Variants in SLC36A1 observed in about 807,000 individuals in gnomAD.
The protein encoded by SLC36A1 is solute carrier family 36 member 1.
Under a neutral mutation model 47.5 loss-of-function variants are expected in SLC36A1, and 30 were observed. The observed-to-expected ratio is 0.63, with a 90% CI of 0.47 to 0.86. The LOEUF (loss-of-function observed/expected upper bound fraction) is 0.86, where lower values mean the gene tolerates loss of function less well. Among genes scored for constraint, SLC36A1 ranks in the 40% least tolerant of loss-of-function variants. The pLI is 0.00. For synonymous variants in SLC36A1, 255 were observed against 249.7 expected, an observed-to-expected ratio of 1.02 and a Z score of -0.20; for missense variants, 517 against 606.0, an observed-to-expected ratio of 0.85 and a Z score of 1.54.
chr5:151,362,776 G>GT, the SLC36A1 span, among the ~76,000 whole-genome samples: 3 of 152,094 alleles, frequency 2.0e-5, no homozygotes, highest in Non-Finnish European at 4.4e-5. Flanking sequence ...ATTTGTTGTT[G>GT]TTTTTTTCTA....
intron 1 of SLC36A1, among the ~76,000 whole-genome samples, chr5:151,456,793 G>T (rs575346830): frequency 6.6e-6 from 1 of 152,142 alleles, no homozygotes; most frequent in South Asian, 2.1e-4. Context: ...GAGAAAATGC[G>T]ATCTCCCGTG....
At chr5:151,438,631 A>C (rs1759918889) in intron 1 of SLC36A1, among the ~76,000 whole-genome samples, 1 of 151,960 alleles carries the variant, frequency 6.6e-6, no homozygotes, top group South Asian at 2.1e-4. Flanking sequence ...GTGCTCTGAC[A>C]CTCCTGTCAT....
the SLC36A1 span, chr5:151,380,381 T>G: frequency 8.3e-6 from 3 of 360,204 alleles, no homozygotes; most frequent in Admixed American, 7.1e-5. Context: ...AGGACCAGAG[T>G]GAGCAGGAAA....
chr5:151,395,943 G>A, the SLC36A1 span, among the ~76,000 whole-genome samples: 6 of 151,892 alleles, frequency 4.0e-5, no homozygotes, highest in Non-Finnish European at 7.4e-5. Flanking sequence ...CTTAGTAGCT[G>A]GGATTACAGG....
chr5:151,474,159 C>CAAAA (rs1156305401), intron 8 of SLC36A1, among the ~76,000 whole-genome samples: 10,760 of 59,646 alleles, frequency 0.18, 1,205 homozygotes, highest in Non-Finnish European at 0.24. Flanking sequence ...GACTCTGTCT[C>CAAAA]AAAAAAAAAA....
At chr5:151,427,107 C>T in the SLC36A1 span, among the ~76,000 whole-genome samples, 4 of 152,162 alleles carry the variant, frequency 2.6e-5, no homozygotes, top group Non-Finnish European at 5.9e-5. Flanking sequence ...TACATAGACA[C>T]AGTAACAGTC....
the SLC36A1 span, among the ~76,000 whole-genome samples, chr5:151,354,552 C>T: frequency 3.3e-5 from 5 of 152,278 alleles, no homozygotes; most frequent in East Asian, 9.7e-4. Context: ...CAGAGTCCAA[C>T]CTCCTCATTT....
chr5:151,510,308 A>G, the SLC36A1 span: 4 of 1,040,116 alleles, frequency 3.8e-6, no homozygotes, highest in Non-Finnish European at 4.2e-6. Context: ...TCTGTGCCCA[A>G]TACCGTGCTG....
At chr5:151,525,608 G>C in the SLC36A1 span, among the ~76,000 whole-genome samples, 4 of 152,198 alleles carry the variant, frequency 2.6e-5, no homozygotes, top group Non-Finnish European at 5.9e-5. Flanking sequence ...CCTGCCCTGA[G>C]TGTTATGAGG....
the SLC36A1 span, among the ~76,000 whole-genome samples, chr5:151,353,857 C>A: frequency 6.6e-6 from 1 of 152,184 alleles, no homozygotes; most frequent in Non-Finnish European, 1.5e-5. Flanking sequence ...TAGTAATATG[C>A]ATTTAAGTTT....
the SLC36A1 span, chr5:151,347,503 G>C: frequency 6.2e-7 from 1 of 1,609,106 alleles, no homozygotes; most frequent in Admixed American, 1.7e-5. Flanking sequence ...AAAGAGGTCT[G>C]CTCTGGAAGG....
chr5:151,527,080 A>G, the SLC36A1 span, among the ~76,000 whole-genome samples: 2 of 152,196 alleles, frequency 1.3e-5, no homozygotes, highest in Non-Finnish European at 2.9e-5. Context: ...CTTCAATTCT[A>G]TAATGCCCTC....
chr5:151,479,310 GT>G lies in SLC36A1; in HGVS notation c.990-7del. ...AGCAGGCTTGGAATGTCTCCTGTCT[GT>G]TTCGGCAGGTTGTACCAGTCAGTTA... On this transcript the variant is annotated splice_polypyrimidine_tract_variant and intron_variant, in intron 9 of 10. Transcript: ENST00000243389. 6.2e-7 allele frequency: 1 copy of G among 1,613,276 alleles called. No homozygotes were observed. The highest frequency in any genetic ancestry group is 1.7e-4 in the Middle Eastern group (1 of 6,058).
the SLC36A1 span, chr5:151,510,013 G>A: frequency 6.2e-7 from 1 of 1,613,714 alleles, no homozygotes; most frequent in African/African-American, 1.3e-5. Context: ...GGCCTCTCCT[G>A]GGATTACCTG....
the SLC36A1 span, chr5:151,380,761 G>T: frequency 3.4e-4 from 184 of 538,550 alleles, 1 homozygote; most frequent in South Asian, 2.5e-3. Context: ...CTTGCAGACA[G>T]ATGGTGGACA....
At chr5:151,541,999 AG>A in the SLC36A1 span, among the ~76,000 whole-genome samples, 1 of 152,270 alleles carries the variant, frequency 6.6e-6, no homozygotes. Context: ...GACAGCAGTT[AG>A]AGTATGACTC....
chr5:151,381,285 C>G, the SLC36A1 span: 539 of 239,894 alleles, frequency 2.2e-3, 3 homozygotes, highest in African/African-American at 0.012. Flanking sequence ...GCCCCTGAGC[C>G]CATGCACCCC....
At chr5:151,517,635 C>A in the SLC36A1 span, 1 of 1,614,116 alleles carries the variant, frequency 6.2e-7, no homozygotes. Flanking sequence ...GGGAGACGGA[C>A]GCTGTTTCAT....
upstream of SLC36A1, among the ~76,000 whole-genome samples, chr5:151,434,321 T>A (rs1180422724): frequency 1.3e-5 from 2 of 152,146 alleles, no homozygotes; most frequent in East Asian, 3.8e-4. Flanking sequence ...TGAAGAGTAA[T>A]CAGGTGAAAT....
Sources: gnomAD v4.1 joint callset for allele counts (sites outside exome capture counted in the v4.1 genomes callset) on GRCh38, gnomAD v4.1.1 for gene constraint, MANE v1.5 for transcripts, NCBI Gene and HGNC (gene_info 2026-07-23, HGNC 2026-07-21) for gene names.